POLE: variants seen among roughly 807,000 people sequenced by gnomAD.
POLE encodes the protein DNA polymerase epsilon catalytic subunit A.
In POLE, 188 loss-of-function variants were observed where a neutral mutation model predicts 279.2. The observed-to-expected ratio is 0.67, with a 90% CI of 0.60 to 0.76. The LOEUF is 0.76. POLE is among the 30% of genes least tolerant of loss of function. The pLI is 0.00. For missense variants in POLE, 2,703 were observed against 3,016.7 expected (o/e 0.90, Z 2.44); for synonymous variants, 1,214 against 1,172.5 (o/e 1.04, Z -0.72).
chr12:132,662,469 A>C (rs547830625), intron 23 of POLE, among the ~76,000 whole-genome samples: 2 of 152,318 alleles, frequency 1.3e-5, no homozygotes, highest in South Asian at 4.1e-4. Context: ...GGGCAGACTC[A>C]TGTGTTTAAA....
chr12:132,646,549 G>T (rs1039546076), intron 32 of POLE, among the ~76,000 whole-genome samples: 2 of 151,608 alleles, frequency 1.3e-5, no homozygotes, highest in Non-Finnish European at 2.9e-5. Context: ...AAAAAATTCT[G>T]GGGCCGGGCG....
intron 25 of POLE, 113 bp downstream of exon 25, chr12:132,660,856 G>C (rs1209987563): frequency 1.4e-5 from 11 of 778,782 alleles, no homozygotes; most frequent in Non-Finnish European, 2.0e-5. Flanking sequence ...CATTAGGACT[G>C]GCCCTGTGTT....
At chr12:132,626,721 A>G (rs886903581) in intron 45 of POLE, among the ~76,000 whole-genome samples, 3 of 152,228 alleles carry the variant, frequency 2.0e-5, no homozygotes, top group Non-Finnish European at 4.4e-5. Flanking sequence ...GCAAGATCGA[A>G]AAAAAGAATA....
intron 39 of POLE, among the ~76,000 whole-genome samples, chr12:132,640,207 G>A (rs1198011209): frequency 1.3e-5 from 2 of 152,160 alleles, no homozygotes; most frequent in Non-Finnish European, 2.9e-5. Context: ...GTCCTGCCTT[G>A]CAGGACCCAG....
intron 29 of POLE, among the ~76,000 whole-genome samples, chr12:132,652,609 C>A (rs1390576379): frequency 6.6e-6 from 1 of 152,136 alleles, no homozygotes; most frequent in African/African-American, 2.4e-5. Context: ...CAGGCATGAG[C>A]CATCACACTC....
Position 132,626,193 on chromosome 12 carries a change from A to T in POLE, c.6455T>A (p.Val2152Glu). ...AQFRDPCRSYVLPEVICRSCN... is the reference protein window; with the variant it reads ...AQFRDPCRSYELPEVICRSCN... ...GCTGCGGCAGATGACCTCAGGAAGC[A>T]CGTAGGAGCGGCAGGGGTCTCGGAA... The change falls in exon 46 of 49, where the codon GTG becomes GAG. Residue 2152 changes from valine (V) to glutamate (E), a missense_variant. Val to Glu is a moderately radical substitution (Grantham distance 121, BLOSUM62 -2). Coordinates refer to ENST00000320574, the MANE Select transcript of POLE (RefSeq NM_006231.4). 1 of 1,613,672 alleles carries T rather than the reference A, an allele frequency of 6.2e-7. No individual in the cohort carries two copies. Among genetic ancestry groups the T allele is most frequent in the Non-Finnish European group, 8.5e-7 (1 of 1,179,892 alleles).
rs1000912264 is a variant in POLE at position 132,649,392 on chromosome 12, T to C, written c.3919A>G (p.Ile1307Val). 37 of 1,613,230 alleles carry C rather than the reference T, an allele frequency of 2.3e-5. No homozygotes were observed. The highest frequency in any genetic ancestry group is 3.0e-5 in the Non-Finnish European group (35 of 1,180,042). Residue 1307 changes from isoleucine to valine, a missense_variant, in exon 31 of 49, where the codon ATC (isoleucine) becomes GTC (valine). This residue lies in a region of POLE where 1,551 missense variants were observed against 1,686.1 expected (regional missense o/e 0.92). Transcript: ENST00000320574. ...SAEGVLRPGAIRDGPATGLGS... is the reference protein window; with the variant it reads ...SAEGVLRPGAVRDGPATGLGS... ...AGCCCCGTGGCAGGACCATCCCGGA[T>C]GGCCCCGGGCCTGAGCACACCCTCT...
intron 25 of POLE, 65 bp downstream of exon 25, chr12:132,660,904 G>A (rs551756374): frequency 1.2e-5 from 17 of 1,370,784 alleles, no homozygotes; most frequent in Admixed American, 1.1e-4. Flanking sequence ...CAGGAAGCAC[G>A]GGGTCCCCTT....
intron 15 of POLE, 85 bp from the exon 16 acceptor site, chr12:132,672,407 G>T: frequency 8.1e-7 from 1 of 1,235,986 alleles, no homozygotes; most frequent in Non-Finnish European, 1.2e-6. Context: ...GCTGCACGTG[G>T]CAGGTTGTGC....
At position 132,675,670 on chromosome 12, in the gene POLE, T is replaced by C. The variant is rs2136010288; in HGVS notation, c.1106+65A>G. On this transcript the variant is annotated intron_variant, in intron 11 of 48. Coordinates refer to ENST00000320574, the MANE Select transcript of POLE (RefSeq NM_006231.4). The surrounding 1 kb of genome is among the most constrained non-coding windows in gnomAD (Gnocchi z 4.3). ...CCTAAGTCGACATGGGAAGCGCCCCTGCACCACGCAACGCCCTCCCTCTCA... is the reference window on the plus strand; with the variant it reads ...CCTAAGTCGACATGGGAAGCGCCCCCGCACCACGCAACGCCCTCCCTCTCA... The C allele has an allele frequency of 6.4e-7, 1 of 1,564,978 alleles. No individual in the cohort carries two copies. Among genetic ancestry groups the C allele is most frequent in the South Asian group, 1.1e-5 (1 of 89,904 alleles).
At position 132,639,528 on chromosome 12, in the gene POLE, C is replaced by A. The variant is rs2042099252; in HGVS notation, c.5379-230G>T. 8.2e-6 allele frequency among the ~76,000 whole-genome samples: 1 copy of A among 121,702 alleles called. No homozygotes were observed. The highest frequency in any genetic ancestry group is 9.2e-5 in the Admixed American group (1 of 10,872). The allele number at this position is 121,702 out of a possible 152,430, so 79.8% of individuals were successfully genotyped here. ...ATTTCATTCCTTAAACTTGTTCAGG[C>A]TTCACCGCATCCCAAACTCTGTGTG... On this transcript the variant is annotated intron_variant, in intron 39 of 48. Coordinates refer to ENST00000320574, the MANE Select transcript of POLE (RefSeq NM_006231.4). This position sits in a 1 kb window ranked among gnomAD's most constrained non-coding sequence, Gnocchi z 4.7.
At chr12:132,625,276 G>A (rs1323619423) in intron 47 of POLE, 13 of 729,166 alleles carry the variant, frequency 1.8e-5, no homozygotes, top group East Asian at 2.6e-5. Flanking sequence ...AGGCCTGAAC[G>A]CCGTGCACCA....
chr12:132,670,216 CA>C (rs1261951328), intron 16 of POLE, among the ~76,000 whole-genome samples: 8 of 145,184 alleles, frequency 5.5e-5, no homozygotes, highest in Admixed American at 6.9e-5. Context: ...ACTAAAAATA[CA>C]AAAAAAAAAT....
At chr12:132,665,696 A>G (rs2042783570) in intron 20 of POLE, among the ~76,000 whole-genome samples, 1 of 152,188 alleles carries the variant, frequency 6.6e-6, no homozygotes, top group East Asian at 1.9e-4. Context: ...ACGGTCTGAC[A>G]TCCTAAACGC....
chr12:132,680,594 G>T lies in POLE; in HGVS notation c.285+13C>A, dbSNP rs76960367. On this transcript the variant is annotated intron_variant, in intron 3 of 48. Transcript: ENST00000320574. ...TAAAAGTGGGTTTTAGCTTGTCGCA[G>T]TCAGGGGCTTACCTTAAATCTGCTT... 1.2e-4 allele frequency: 201 copies of T among 1,608,536 alleles called. 1 individual carries two copies. The East Asian group carries it at 3.9e-3, about 32-fold the overall frequency.
intron 25 of POLE, chr12:132,660,727 T>C (rs958257745): frequency 5.9e-6 from 2 of 340,276 alleles, no homozygotes; most frequent in Non-Finnish European, 5.3e-6. Flanking sequence ...CAGGCACGCA[T>C]CACCATGCCA....
In POLE at chr12:132,661,483, C is replaced by T; in HGVS notation, c.2864+44G>A. On this transcript the variant is annotated intron_variant, in intron 24 of 48. Transcript: ENST00000320574. The surrounding 1 kb of genome is among the most constrained non-coding windows in gnomAD (Gnocchi z 4.1). ...TTTCTGGGCTAAATTTAATCTATCTCAATCCATGTCCTTTCTAAAGCACAA... is the reference window on the plus strand; with the variant it reads ...TTTCTGGGCTAAATTTAATCTATCTTAATCCATGTCCTTTCTAAAGCACAA... The T allele has an allele frequency of 6.3e-7, 1 of 1,599,834 alleles. No individual in the cohort carries two copies. The highest frequency in any genetic ancestry group is 8.5e-7 in the Non-Finnish European group (1 of 1,170,038).
intron 32 of POLE, among the ~76,000 whole-genome samples, chr12:132,647,706 G>C (rs1034730207): frequency 1.3e-5 from 2 of 152,040 alleles, no homozygotes; most frequent in African/African-American, 4.8e-5. Flanking sequence ...GTCATAAAGG[G>C]AAACATCCCA....
In POLE at chr12:132,661,707, G is replaced by A. The variant is rs1466409740; in HGVS notation, c.2707-23C>T. 2.5e-6 allele frequency: 4 copies of A among 1,611,842 alleles called. No individual in the cohort carries two copies. Among genetic ancestry groups the A allele is most frequent in the African/African-American group, 1.3e-5 (1 of 74,866 alleles). On this transcript the variant is annotated intron_variant, in intron 23 of 48. Coordinates refer to ENST00000320574, the MANE Select transcript of POLE (RefSeq NM_006231.4). The surrounding 1 kb of genome is among the most constrained non-coding windows in gnomAD (Gnocchi z 4.1). ...TTCCTGAGAAACAAGAGTGAAGAGG[G>A]GGCAGCTTCACTCATGATGGCCCAA... is the stretch of plus-strand genomic sequence containing the variant.
Sources: allele counts gnomAD v4.1 joint callset (sites outside exome capture counted in the v4.1 genomes callset), GRCh38; gene constraint gnomAD v4.1.1; regional missense constraint gnomAD v4.1.1; non-coding constraint Gnocchi (gnomAD v3.1); transcripts MANE v1.5; gene names NCBI Gene and HGNC (gene_info 2026-07-23, HGNC 2026-07-21).